TMEM132D: variants seen among roughly 807,000 people sequenced by gnomAD.
TMEM132D encodes mature OL transmembrane protein.
TMEM132D carries 21 observed loss-of-function variants against 62.3 expected under a neutral mutation model. The observed-to-expected ratio is 0.34, with a 90% CI of 0.24 to 0.49. The LOEUF is 0.49. Ranked by LOEUF, TMEM132D falls within the 20% of genes least tolerant of loss-of-function variation. TMEM132D has a pLI of 0.99. For synonymous variants in TMEM132D, 621 were observed against 575.6 expected, an observed-to-expected ratio of 1.08 and a Z score of -1.13; for missense variants, 1,346 against 1,402.8, an observed-to-expected ratio of 0.96 and a Z score of 0.65.
At chr12:129,543,366 A>G (rs1876643389) in intron 2 of TMEM132D, among the ~76,000 whole-genome samples, 1 of 147,894 alleles carries the variant, frequency 6.8e-6, no homozygotes, top group Admixed American at 6.8e-5. Context: ...GGGTGGATGG[A>G]TGGATGTAAG....
chr12:129,588,769 T>C (rs11060455), intron 2 of TMEM132D, among the ~76,000 whole-genome samples: 2 of 119,392 alleles, frequency 1.7e-5, no homozygotes, highest in Non-Finnish European at 3.6e-5. Flanking sequence ...TTTTTTTGTA[T>C]TTTTAGTAGA....
intron 4 of TMEM132D, among the ~76,000 whole-genome samples, chr12:129,224,321 G>A (rs868794978): frequency 6.6e-6 from 1 of 152,146 alleles, no homozygotes; most frequent in African/African-American, 2.4e-5. Context: ...CTGTTCCGAT[G>A]AATATGTTCT....
At chr12:129,686,903 G>A (rs1880935505) in intron 2 of TMEM132D, among the ~76,000 whole-genome samples, 2 of 152,224 alleles carry the variant, frequency 1.3e-5, no homozygotes, top group Non-Finnish European at 2.9e-5. Context: ...TGAAAAGACT[G>A]TGGATGAAAT....
At chr12:129,805,613 A>T (rs76696950) in intron 1 of TMEM132D, among the ~76,000 whole-genome samples, 7 of 151,622 alleles carry the variant, frequency 4.6e-5, no homozygotes, top group Admixed American at 1.3e-4. Context: ...AGGCAATACC[A>T]TTCAGGACAT....
chr12:129,116,932 A>AAAAAT (rs1256419359), intron 5 of TMEM132D, among the ~76,000 whole-genome samples: 3 of 149,518 alleles, frequency 2.0e-5, no homozygotes, highest in African/African-American at 7.6e-5. Flanking sequence ...AAAAAAAAAA[A>AAAAAT]AAAAAAAAAA....
intron 5 of TMEM132D, chr12:129,170,069 A>G (rs1593284024): frequency 6.6e-6 from 1 of 152,242 alleles, no homozygotes; most frequent in Non-Finnish European, 1.5e-5. Context: ...CCAGGGCTTA[A>G]TTGGGTCCAG....
intron 5 of TMEM132D, among the ~76,000 whole-genome samples, chr12:129,158,200 G>A (rs1877299169): frequency 6.6e-6 from 1 of 152,170 alleles, no homozygotes; most frequent in Non-Finnish European, 1.5e-5. Flanking sequence ...GAGAGGAGAG[G>A]ACTGCTCTAA....
chr12:129,183,230 A>G (rs1349253286), intron 5 of TMEM132D, among the ~76,000 whole-genome samples: 1 of 152,240 alleles, frequency 6.6e-6, no homozygotes, highest in Non-Finnish European at 1.5e-5. Flanking sequence ...TGGAACAGCC[A>G]AAGTAACAGT....
At chr12:129,298,955 T>C (rs1464193745) in intron 4 of TMEM132D, among the ~76,000 whole-genome samples, 1 of 152,212 alleles carries the variant, frequency 6.6e-6, no homozygotes, top group Non-Finnish European at 1.5e-5. Context: ...GCAAGGGCTT[T>C]TGCCATTCAA....
chr12:129,821,647 T>C (rs89692), intron 1 of TMEM132D, among the ~76,000 whole-genome samples: 151,945 of 152,348 alleles, frequency 1, 75,774 homozygotes, highest in Middle Eastern at 1. Context: ...AAAGTGCCAA[T>C]CAAAACGTGC....
intron 2 of TMEM132D, among the ~76,000 whole-genome samples, chr12:129,572,738 C>T (rs943892283): frequency 1.3e-5 from 2 of 151,992 alleles, no homozygotes; most frequent in Admixed American, 6.6e-5. Flanking sequence ...TGTGAGCCAG[C>T]GCGCCCGGCC....
chr12:129,106,692 C>T (rs532768241), intron 5 of TMEM132D, among the ~76,000 whole-genome samples: 8 of 152,236 alleles, frequency 5.3e-5, no homozygotes, highest in South Asian at 2.1e-4. Context: ...CAGGCTCTGC[C>T]TCCTTAAGTG....
intron 1 of TMEM132D, among the ~76,000 whole-genome samples, chr12:129,884,382 A>C (rs1266705210): frequency 6.6e-6 from 1 of 152,240 alleles, no homozygotes; most frequent in East Asian, 1.9e-4. Context: ...TGTCTACAAA[A>C]TAAACAAACA....
At chr12:129,434,982 C>T (rs929953564) in intron 3 of TMEM132D, among the ~76,000 whole-genome samples, 1 of 152,192 alleles carries the variant, frequency 6.6e-6, no homozygotes, top group Non-Finnish European at 1.5e-5. Flanking sequence ...AGTACCCTCC[C>T]TAGCCTCTGG....
intron 5 of TMEM132D, among the ~76,000 whole-genome samples, chr12:129,160,058 C>T (rs1330742717): frequency 6.6e-6 from 1 of 152,270 alleles, no homozygotes. Flanking sequence ...GAGGAAAAAG[C>T]TTGTTGAACA....
intron 4 of TMEM132D, among the ~76,000 whole-genome samples, chr12:129,249,438 T>C (rs1880208530): frequency 6.6e-6 from 1 of 152,128 alleles, no homozygotes; most frequent in Non-Finnish European, 1.5e-5. Flanking sequence ...CTTGCCCTCC[T>C]AAAGGATGCA....
chr12:129,245,417 T>C (rs1304915144), intron 4 of TMEM132D, among the ~76,000 whole-genome samples: 1 of 152,206 alleles, frequency 6.6e-6, no homozygotes, highest in Admixed American at 6.5e-5. Context: ...CTGAATATTA[T>C]TCCATTGTAT....
chr12:129,214,802 A>G (rs931625257), intron 4 of TMEM132D, among the ~76,000 whole-genome samples: 1 of 152,230 alleles, frequency 6.6e-6, no homozygotes, highest in Non-Finnish European at 1.5e-5. Context: ...AAAGATTTTT[A>G]AAAACCCACA....
At chr12:129,090,600 G>A (rs1874874917) in intron 5 of TMEM132D, among the ~76,000 whole-genome samples, 2 of 152,198 alleles carry the variant, frequency 1.3e-5, no homozygotes, top group South Asian at 2.1e-4. Flanking sequence ...CCCGGGAGGT[G>A]GAAGTTGCAG....
Sources: gnomAD v4.1 joint callset for allele counts (sites outside exome capture counted in the v4.1 genomes callset) on GRCh38, gnomAD v4.1.1 for gene constraint, MANE v1.5 for transcripts, NCBI Gene and HGNC (gene_info 2026-07-23, HGNC 2026-07-21) for gene names.